ROBO2: variants seen among roughly 807,000 people sequenced by gnomAD.
ROBO2 encodes roundabout guidance receptor 2.
ROBO2 carries 53 observed loss-of-function variants against 160.8 expected under a neutral mutation model. The observed-to-expected ratio is 0.33, with a 90% CI of 0.26 to 0.41. The LOEUF (loss-of-function observed/expected upper bound fraction) is 0.41. ROBO2 is among the 10% of genes least tolerant of loss of function. The pLI, the probability that ROBO2 is intolerant of heterozygous loss-of-function variation, is 1.00. For missense variants in ROBO2, 1,577 were observed against 1,722.4 expected (o/e 0.92, Z 1.49); for synonymous variants, 664 against 611.7 (o/e 1.09, Z -1.26).
chr3:77,064,241 G>T (rs1280371981), intron 1 of ROBO2, among the ~76,000 whole-genome samples: 3 of 151,852 alleles, frequency 2.0e-5, no homozygotes, highest in Non-Finnish European at 4.4e-5. Context: ...GTAAACATTA[G>T]TTTATAAAAG....
intron 2 of ROBO2, among the ~76,000 whole-genome samples, chr3:76,744,272 G>A (rs1030124688): frequency 1.3e-4 from 20 of 152,056 alleles, no homozygotes; most frequent in African/African-American, 3.9e-4. Context: ...TTTCTTCTCC[G>A]CCTGTTACTT....
chr3:76,642,907 AT>A (rs1268840958), intron 2 of ROBO2, among the ~76,000 whole-genome samples: 5 of 152,348 alleles, frequency 3.3e-5, no homozygotes, highest in African/African-American at 9.6e-5. Flanking sequence ...TACTAAAAAA[AT>A]CATTAATAAT....
At chr3:76,840,669 A>G (rs933647589) in intron 2 of ROBO2, among the ~76,000 whole-genome samples, 2 of 141,366 alleles carry the variant, frequency 1.4e-5, no homozygotes, top group Non-Finnish European at 3.1e-5. Flanking sequence ...ATATATATAT[A>G]TATATAAGAT....
chr3:77,430,280 G>C (rs1266310075), intron 2 of ROBO2, among the ~76,000 whole-genome samples: 2 of 152,092 alleles, frequency 1.3e-5, no homozygotes, highest in African/African-American at 2.4e-5. Context: ...AGGCTTTGTA[G>C]AAAGCCTTAG....
chr3:77,476,937 G>T (rs1321158985), intron 2 of ROBO2, among the ~76,000 whole-genome samples: 3 of 151,664 alleles, frequency 2.0e-5, no homozygotes, highest in Admixed American at 6.6e-5. Flanking sequence ...TGTGGATCTT[G>T]TCTATGTTTG....
intron 2 of ROBO2, among the ~76,000 whole-genome samples, chr3:77,128,143 G>T (rs1051682753): frequency 3.4e-4 from 52 of 152,128 alleles, no homozygotes; most frequent in African/African-American, 1.2e-3. Context: ...GTGATTATGG[G>T]AGGACTTCTA....
chr3:76,434,359 G>T (rs2076572269), intron 2 of ROBO2: 3 of 1,461,096 alleles, frequency 2.1e-6, no homozygotes, highest in African/African-American at 2.8e-5. Context: ...TTCGGGAGAA[G>T]AACCGAGGCA....
At chr3:76,049,521 G>A (rs1008043271) in intron 2 of ROBO2, among the ~76,000 whole-genome samples, 22 of 149,628 alleles carry the variant, frequency 1.5e-4, no homozygotes, top group Admixed American at 4.0e-4. Context: ...TGGGATTACA[G>A]GCGAGAGCCG....
At chr3:76,127,345 T>A (rs2071028089) in intron 2 of ROBO2, among the ~76,000 whole-genome samples, 2 of 152,136 alleles carry the variant, frequency 1.3e-5, no homozygotes, top group South Asian at 4.1e-4. Flanking sequence ...TAGCTCATTT[T>A]GTAGGATAAG....
chr3:77,049,649 A>C (rs552676798), intron 1 of ROBO2, among the ~76,000 whole-genome samples: 5 of 152,342 alleles, frequency 3.3e-5, no homozygotes, highest in Admixed American at 3.3e-4. Flanking sequence ...AACCATATGC[A>C]ACATGGAAAT....
chr3:76,735,924 TTTTA>T (rs1560468539), intron 2 of ROBO2, among the ~76,000 whole-genome samples: 1 of 151,966 alleles, frequency 6.6e-6, no homozygotes, highest in Non-Finnish European at 1.5e-5. Flanking sequence ...CACACCCCTA[TTTTA>T]TTTATCTTAT....
chr3:77,241,532 TAAG>T (rs979169294), intron 2 of ROBO2, among the ~76,000 whole-genome samples: 3 of 152,202 alleles, frequency 2.0e-5, no homozygotes, highest in African/African-American at 7.2e-5. Flanking sequence ...CTTTACACTT[TAAG>T]TGACTTTCCA....
In ROBO2 at chr3:76,303,118, A is replaced by T. The variant is rs147797044; in HGVS notation, c.109+365516A>T. On this transcript the variant is annotated intron_variant, in intron 2 of 26. Transcript: ENST00000487694. ...TAAGCCCAAGAAAATATCTCAGATG[A>T]AAAAAAGAATATTTTACAGGTTCAA... Among the ~76,000 whole-genome samples the T allele has an allele frequency of 5.7e-3, 865 of 152,168 alleles. 9 individuals are homozygous for T. The highest frequency in any genetic ancestry group is 0.017 in the Middle Eastern group (5 of 294).
chr3:76,017,472 C>T (rs1459549305), intron 2 of ROBO2, among the ~76,000 whole-genome samples: 2 of 152,084 alleles, frequency 1.3e-5, no homozygotes, highest in Non-Finnish European at 2.9e-5. Flanking sequence ...GCATCTGTCT[C>T]CTATGCAAGA....
intron 2 of ROBO2, among the ~76,000 whole-genome samples, chr3:75,942,905 A>G (rs201033575): frequency 6.6e-6 from 1 of 152,152 alleles, no homozygotes; most frequent in African/African-American, 2.4e-5. Flanking sequence ...TGTTTTCTTA[A>G]AAGTAGTTAG....
At chr3:76,183,262 T>C (rs1701596620) in intron 2 of ROBO2, among the ~76,000 whole-genome samples, 1 of 152,098 alleles carries the variant, frequency 6.6e-6, no homozygotes, top group Non-Finnish European at 1.5e-5. Context: ...TCAAGTAACC[T>C]AGCAGAAGTC....
At position 77,088,235 on chromosome 3, in the gene ROBO2, T is replaced by C. The variant is rs548601517; in HGVS notation, c.62-9779T>C. 5.3e-4 allele frequency among the ~76,000 whole-genome samples: 80 copies of C among 152,316 alleles called. No individual in the cohort carries two copies. In the South Asian group the frequency reaches 0.016, roughly 31 times the overall value. On this transcript the variant is annotated intron_variant, in intron 1 of 25. Transcript: ENST00000461745. ...AGATAAGTAAAGACCTGAGATACAATTGTGAAATTCAGGTTGAAAGTTTTA... is the reference window on the plus strand; with the variant it reads ...AGATAAGTAAAGACCTGAGATACAACTGTGAAATTCAGGTTGAAAGTTTTA...
intron 2 of ROBO2, among the ~76,000 whole-genome samples, chr3:77,007,116 C>T (rs957917773): frequency 6.6e-6 from 1 of 152,038 alleles, no homozygotes; most frequent in Non-Finnish European, 1.5e-5. Flanking sequence ...CCCAGGAAAA[C>T]CAGGTGGATA....
At chr3:77,446,191 T>C (rs1379284710) in intron 2 of ROBO2, among the ~76,000 whole-genome samples, 2 of 152,036 alleles carry the variant, frequency 1.3e-5, no homozygotes, top group Non-Finnish European at 2.9e-5. Flanking sequence ...TAAATACTTT[T>C]CAGCACCATC....
Sources: gnomAD v4.1 joint callset for allele counts (sites outside exome capture counted in the v4.1 genomes callset) on GRCh38, gnomAD v4.1.1 for gene constraint, MANE v1.5 for transcripts, NCBI Gene and HGNC (gene_info 2026-07-23, HGNC 2026-07-21) for gene names.